The following ATRX variants were observed in gnomAD, a reference collection of about 807,000 sequenced individuals.
ATRX encodes ATRX chromatin remodeler.
ATRX carries 12 observed loss-of-function variants against 172.6 expected under a neutral mutation model. That is an observed-to-expected ratio of 0.07 (90% CI 0.04 to 0.11). ATRX has a LOEUF of 0.11. Among genes scored for constraint, ATRX ranks in the 10% least tolerant of loss-of-function variants. The pLI is 1.00. For synonymous variants in ATRX, 674 were observed against 594.7 expected (o/e 1.13, Z -1.94); for missense variants, 1,368 against 1,767.4 (o/e 0.77, Z 4.05).
chrX:77,648,162 AAG>A (rs782628263), intron 15 of ATRX, among the ~76,000 whole-genome samples: 298 of 112,081 alleles, frequency 2.7e-3, no homozygotes, highest in Non-Finnish European at 3.7e-3. Flanking sequence ...TACAAGGAGA[AAG>A]AGATGAATTA....
At chrX:77,702,018 G>C (rs2072554241) in intron 2 of ATRX, among the ~76,000 whole-genome samples, 1 of 109,945 alleles carries the variant, frequency 9.1e-6, no homozygotes, top group South Asian at 3.9e-4. Flanking sequence ...GTGAGCTGAG[G>C]TCATGCCACT....
At chrX:77,516,170 C>A (rs34906426) in intron 34 of ATRX, among the ~76,000 whole-genome samples, 1,169 of 111,250 alleles carry the variant, frequency 0.011, 18 homozygotes, top group African/African-American at 0.037. Flanking sequence ...ACAACAAACC[C>A]GTGACACAGA....
At chrX:77,777,305 CA>C (rs1486412914) in intron 1 of ATRX, among the ~76,000 whole-genome samples, 4 of 107,629 alleles carry the variant, frequency 3.7e-5, no homozygotes, top group African/African-American at 1.4e-4. Context: ...CGCTTGAACC[CA>C]AGAGGCGGAG....
intron 31 of ATRX, 74 bp from the exon 32 acceptor site, chrX:77,522,462 G>T (rs951809518): frequency 9.3e-7 from 1 of 1,074,326 alleles, no homozygotes; most frequent in African/African-American, 1.8e-5. Flanking sequence ...TACTGGTTTA[G>T]AAAAGAATCC....
At chrX:77,622,888 C>T (rs2067657348) in intron 19 of ATRX, among the ~76,000 whole-genome samples, 1 of 110,205 alleles carries the variant, frequency 9.1e-6, no homozygotes, top group East Asian at 2.9e-4. Context: ...CTATCAAAAC[C>T]TCTGGGATAC....
At position 77,538,214 on chromosome X, in the gene ATRX, T is replaced by C. The variant is rs782291212; in HGVS notation, c.6700-14813A>G. Among the ~76,000 whole-genome samples, 4 of 99,035 alleles carry C rather than the reference T, an allele frequency of 4.0e-5. No homozygotes were observed. In the South Asian group the frequency reaches 1.8e-3, roughly 45 times the overall value. 86.0% of individuals were successfully genotyped at this position (99,035 alleles called of 115,157 possible). ...AAGCTGAAGGATAAAAAAGGAAATG[T>C]GTGTATACACACACAAACACACACA... On this transcript the variant is annotated intron_variant, in intron 30 of 34. Transcript: ENST00000373344.
At chrX:77,618,049 C>T (rs1438041075) in intron 21 of ATRX, among the ~76,000 whole-genome samples, 1 of 111,545 alleles carries the variant, frequency 9.0e-6, no homozygotes, top group Admixed American at 9.6e-5. Flanking sequence ...TGTACCTAGC[C>T]TCTGTCCATT....
intron 1 of ATRX, among the ~76,000 whole-genome samples, chrX:77,763,889 G>C (rs1400196426): frequency 9.0e-6 from 1 of 111,157 alleles, no homozygotes; most frequent in South Asian, 3.9e-4. Context: ...TGAGGCAAGC[G>C]GATCACTTGA....
At chrX:77,606,197 C>T (rs1266438002) in intron 22 of ATRX, among the ~76,000 whole-genome samples, 13 of 108,035 alleles carry the variant, frequency 1.2e-4, no homozygotes, top group African/African-American at 3.7e-4. Flanking sequence ...GTAAATTTAC[C>T]CCAATTTATG....
chrX:77,735,279 T>C (rs1389790056), intron 1 of ATRX, among the ~76,000 whole-genome samples: 2 of 110,894 alleles, frequency 1.8e-5, no homozygotes, highest in Non-Finnish European at 3.8e-5. Context: ...CTGGCCAACA[T>C]GGTGAAATCC....
In ATRX at chrX:77,676,209, T is replaced by G. The variant is rs1433401626; in HGVS notation, c.3809+17A>C. On this transcript the variant is annotated intron_variant, in intron 10 of 34. Coordinates refer to ENST00000373344, the MANE Select transcript of ATRX (RefSeq NM_000489.6). Reference sequence around the variant, plus strand: ...TGTGTTATAATCTTTTTAAAGTCCTTACAGATGGAATCATACCTATTCTCA... The same window carrying G: ...TGTGTTATAATCTTTTTAAAGTCCTGACAGATGGAATCATACCTATTCTCA... 1 of 1,195,402 alleles carries G rather than the reference T, an allele frequency of 8.4e-7. No individual in the cohort carries two copies. Among genetic ancestry groups the G allele is most frequent in the Non-Finnish European group, 1.1e-6 (1 of 884,384 alleles).
chrX:77,761,147 A>T (rs1323908000), intron 1 of ATRX, among the ~76,000 whole-genome samples: 8 of 112,151 alleles, frequency 7.1e-5, no homozygotes, highest in Non-Finnish European at 1.5e-4. Flanking sequence ...CACCAAGATC[A>T]AAGTAAAAGA....
intron 25 of ATRX, among the ~76,000 whole-genome samples, chrX:77,597,859 C>T (rs1399985719): frequency 8.9e-6 from 1 of 111,979 alleles, no homozygotes; most frequent in East Asian, 2.8e-4. Context: ...ATTAGTTCAC[C>T]GCCTATGGAA....
rs1603217691 is a variant in ATRX at position 77,682,272 on chromosome X, G to C, written c.2984C>G (p.Pro995Arg). 10 of 1,199,884 alleles carry C rather than the reference G, an allele frequency of 8.3e-6. No homozygotes were observed. The highest frequency in any genetic ancestry group is 1.1e-5 in the Non-Finnish European group (10 of 892,150). Residue 995 changes from proline (P) to arginine (R), a missense_variant, in exon 9 of 35, where the codon CCT (proline) becomes CGT (arginine). Transcript: ENST00000373344. ...AATTACTTTTTTCTTAAAGTCTGAA[G>C]GTTTCTTTTTTTCTTCAGTTCCCTT... is the stretch of plus-strand genomic sequence containing the variant. ...SKKGTEEKKK[P>R]SDFKKKVIKM...
In ATRX at chrX:77,735,095, A is replaced by C. The variant is rs547922509; in HGVS notation, c.21-17852T>G. Among the ~76,000 whole-genome samples, 5 of 111,499 alleles carry C rather than the reference A, an allele frequency of 4.5e-5. No individual in the cohort carries two copies. In the East Asian group the frequency reaches 1.1e-3, roughly 25 times the overall value. ...TGATGGAATGAGACTCTGTCTCAAAAAAAAATAAAATAAATAAAAATAAAT... is the reference window on the plus strand; with the variant it reads ...TGATGGAATGAGACTCTGTCTCAAACAAAAATAAAATAAATAAAAATAAAT... On this transcript the variant is annotated intron_variant, in intron 1 of 34. Coordinates refer to ENST00000373344, the MANE Select transcript of ATRX (RefSeq NM_000489.6).
chrX:77,569,642 T>C (rs1557066354), intron 28 of ATRX, among the ~76,000 whole-genome samples: 1 of 111,697 alleles, frequency 9.0e-6, no homozygotes, highest in African/African-American at 3.3e-5. Context: ...AAAAATACAG[T>C]AACATTTACA....
At chrX:77,684,811 G>T in intron 8 of ATRX, 128 bp downstream of exon 8, 1 of 785,037 alleles carries the variant, frequency 1.3e-6, no homozygotes, top group South Asian at 2.3e-5. Context: ...AGGGTTTTAT[G>T]GAAAAGAACA....
intron 27 of ATRX, among the ~76,000 whole-genome samples, chrX:77,576,619 T>C (rs188449043): frequency 2.9e-4 from 32 of 111,618 alleles, no homozygotes; most frequent in Admixed American, 2.5e-3. Context: ...ACCTACTACA[T>C]GTCTAGCTTG....
At chrX:77,527,278 A>G (rs782562354) in intron 30 of ATRX, among the ~76,000 whole-genome samples, 1 of 111,818 alleles carries the variant, frequency 8.9e-6, no homozygotes, top group Non-Finnish European at 1.9e-5. Flanking sequence ...GGGTGAATGA[A>G]TCCAATACCT....
Sources: gnomAD v4.1 joint callset for allele counts (sites outside exome capture counted in the v4.1 genomes callset) on GRCh38, gnomAD v4.1.1 for gene constraint, MANE v1.5 for transcripts, NCBI Gene and HGNC (gene_info 2026-07-23, HGNC 2026-07-21) for gene names.